TENM2: variants seen among roughly 807,000 people sequenced by gnomAD.
TENM2 encodes teneurin-2.
Under a neutral mutation model 245.2 loss-of-function variants are expected in TENM2, and 52 were observed. That is an observed-to-expected ratio of 0.21 (90% CI 0.17 to 0.27). TENM2 has a LOEUF of 0.27. Ranked by LOEUF, TENM2 falls within the 10% of genes least tolerant of loss-of-function variation. TENM2 has a pLI of 1.00. For missense variants in TENM2, 3,046 were observed against 3,666.8 expected (o/e 0.83, Z 4.37); for synonymous variants, 1,363 against 1,438.9 (o/e 0.95, Z 1.19).
intron 2 of TENM2, among the ~76,000 whole-genome samples, chr5:167,796,711 T>A (rs1363913249): frequency 6.6e-6 from 1 of 152,138 alleles, no homozygotes; most frequent in African/African-American, 2.4e-5. Flanking sequence ...GGATGCCATA[T>A]CTTCTTCGTA....
intron 1 of TENM2, among the ~76,000 whole-genome samples, chr5:167,367,124 T>C (rs1431071452): frequency 6.6e-6 from 1 of 152,102 alleles, no homozygotes; most frequent in Non-Finnish European, 1.5e-5. Context: ...TCTTTGAAAG[T>C]TATAAGCTTA....
At chr5:167,142,859 T>C in the TENM2 span, among the ~76,000 whole-genome samples, 1 of 152,248 alleles carries the variant, frequency 6.6e-6, no homozygotes, top group East Asian at 1.9e-4. Flanking sequence ...CTTATTCATA[T>C]TTTTAAGCCA....
chr5:167,353,500 G>GTT (rs59240930), intron 1 of TENM2, among the ~76,000 whole-genome samples: 7,296 of 79,204 alleles, frequency 0.092, 1,532 homozygotes, highest in African/African-American at 0.18. Flanking sequence ...TGTTGTTGTT[G>GTT]TTTTTTTTTT....
chr5:167,539,968 A>T (rs895922499), intron 2 of TENM2, among the ~76,000 whole-genome samples: 1 of 152,210 alleles, frequency 6.6e-6, no homozygotes, highest in African/African-American at 2.4e-5. Flanking sequence ...TAGAAGATTA[A>T]TCGCTCATGG....
intron 3 of TENM2, among the ~76,000 whole-genome samples, chr5:167,925,932 A>T (rs1777724202): frequency 6.6e-6 from 1 of 152,174 alleles, no homozygotes; most frequent in Admixed American, 6.5e-5. Context: ...CGAAGGAAAC[A>T]ACAGACGCTG....
intron 7 of TENM2, among the ~76,000 whole-genome samples, chr5:168,073,713 T>G (rs1025039932): frequency 6.6e-6 from 1 of 152,224 alleles, no homozygotes; most frequent in Non-Finnish European, 1.5e-5. Context: ...TTCACGTACC[T>G]GGGGAAAATC....
intron 12 of TENM2, among the ~76,000 whole-genome samples, chr5:168,159,864 G>A (rs1757584695): frequency 6.6e-6 from 1 of 152,068 alleles, no homozygotes; most frequent in Admixed American, 6.5e-5. Context: ...AAGAGAAGGG[G>A]TTAAAAAAAA....
At chr5:168,112,568 T>G (rs1440195631) in intron 9 of TENM2, among the ~76,000 whole-genome samples, 6 of 141,162 alleles carry the variant, frequency 4.3e-5, no homozygotes, top group Non-Finnish European at 9.1e-5. Context: ...TATTGCTGCA[T>G]AGTATGGAAT....
intron 1 of TENM2, among the ~76,000 whole-genome samples, chr5:167,330,287 A>T (rs2127788911): frequency 6.6e-6 from 1 of 152,246 alleles, no homozygotes; most frequent in Admixed American, 6.5e-5. Flanking sequence ...GTTTGGCATC[A>T]TTGGTTAAAT....
Position 167,833,288 on chromosome 5 carries a change from T to C in TENM2, c.503-42698T>C, listed in dbSNP as rs555889842. Among the ~76,000 whole-genome samples, 10 of 152,346 alleles carry C rather than the reference T, an allele frequency of 6.6e-5. No homozygotes were observed. In the East Asian group the frequency reaches 1.9e-3, roughly 29 times the overall value. On this transcript the variant is annotated intron_variant, in intron 2 of 28. Transcript: ENST00000518659. ...TTAGTAATAATAGAATTAATCACTT[T>C]ACTTTAGGAGTCAGTTACAAATCCT...
chr5:167,594,082 T>G (rs576745391), intron 2 of TENM2, among the ~76,000 whole-genome samples: 1 of 152,194 alleles, frequency 6.6e-6, no homozygotes. Context: ...AAATGAACAT[T>G]GTATAAAATT....
At chr5:167,574,005 A>G (rs1365793340) in intron 2 of TENM2, 1 of 152,156 alleles carries the variant, frequency 6.6e-6, no homozygotes. Context: ...TAACAAGGGA[A>G]GGAAGCCTTC....
At chr5:167,813,498 A>C (rs1348923262) in intron 2 of TENM2, among the ~76,000 whole-genome samples, 3 of 151,972 alleles carry the variant, frequency 2.0e-5, no homozygotes, top group African/African-American at 7.3e-5. Context: ...AGGGAGATGC[A>C]TGTCTGTTGA....
At chr5:168,018,128 C>T (rs1263330985) in intron 5 of TENM2, among the ~76,000 whole-genome samples, 2 of 152,140 alleles carry the variant, frequency 1.3e-5, no homozygotes, top group Admixed American at 6.5e-5. Context: ...TAGGTTCATA[C>T]GTGTTAATTG....
At chr5:167,202,255 C>T in the TENM2 span, among the ~76,000 whole-genome samples, 1 of 152,110 alleles carries the variant, frequency 6.6e-6, no homozygotes, top group African/African-American at 2.4e-5. Flanking sequence ...CTGCATCTTT[C>T]TCCAGCATCT....
Position 168,211,770 on chromosome 5 carries a change from C to G in TENM2, c.3845+16C>G. The G allele has an allele frequency of 1.5e-6, 2 of 1,335,956 alleles. No homozygotes were observed. The highest frequency in any genetic ancestry group is 1.9e-4 in the Middle Eastern group (1 of 5,282). 82.8% of individuals were successfully genotyped at this position (1,335,956 alleles called of 1,614,324 possible). ...TTAAACATAGGTAAGATGAAGAACT[C>G]TTTCCCATATAATTTGATATGGTTC... On this transcript the variant is annotated intron_variant, in intron 20 of 28. Transcript: ENST00000518659.
chr5:168,001,851 A>G (rs775098799), intron 5 of TENM2, among the ~76,000 whole-genome samples: 5 of 152,254 alleles, frequency 3.3e-5, no homozygotes, highest in Non-Finnish European at 7.3e-5. Flanking sequence ...CAAATAGTCC[A>G]TCAACTGTAT....
chr5:167,720,304 A>G (rs994067688), intron 2 of TENM2, among the ~76,000 whole-genome samples: 7 of 152,224 alleles, frequency 4.6e-5, no homozygotes, highest in African/African-American at 1.7e-4. Context: ...CATAAAACCT[A>G]GCCATGCATA....
chr5:167,175,673 T>C, the TENM2 span, among the ~76,000 whole-genome samples: 1 of 152,200 alleles, frequency 6.6e-6, no homozygotes, highest in African/African-American at 2.4e-5. Context: ...ACTCTCACAC[T>C]GCTTCTACCT....
Sources: allele counts gnomAD v4.1 joint callset (sites outside exome capture counted in the v4.1 genomes callset), GRCh38; gene constraint gnomAD v4.1.1; transcripts MANE v1.5; gene names NCBI Gene and HGNC (gene_info 2026-07-23, HGNC 2026-07-21).